The following DENND1A variants were observed in gnomAD, a reference collection of about 807,000 sequenced individuals.
DENND1A encodes DENN domain-containing protein 1A.
A neutral mutation model predicts 113.7 loss-of-function variants in DENND1A; 51 were observed. That is an observed-to-expected ratio of 0.45 (90% confidence interval 0.36 to 0.57). The LOEUF (loss-of-function observed/expected upper bound fraction) is 0.57, where lower values mean the gene tolerates loss of function less well. Among genes scored for constraint, DENND1A ranks in the 20% least tolerant of loss-of-function variants. DENND1A has a pLI of 0.00. For missense variants in DENND1A, 1,258 were observed against 1,395.9 expected, an observed-to-expected ratio of 0.90 and a Z score of 1.57; for synonymous variants, 565 against 570.8, an observed-to-expected ratio of 0.99 and a Z score of 0.14.
chr9:123,845,701 A>C (rs946101785), intron 2 of DENND1A, among the ~76,000 whole-genome samples: 15 of 150,552 alleles, frequency 1.0e-4, no homozygotes, highest in Non-Finnish European at 5.9e-5. Flanking sequence ...AAAAAGAGGA[A>C]TAAAAAAGGA....
intron 13 of DENND1A, among the ~76,000 whole-genome samples, chr9:123,519,585 A>G (rs1034322392): frequency 1.3e-5 from 2 of 152,060 alleles, no homozygotes; most frequent in African/African-American, 4.8e-5. Context: ...TTACAGGCTA[A>G]TTTTTATATT....
In DENND1A at chr9:123,630,483, C is replaced by G; in HGVS notation, c.619-7G>C. The G allele has an allele frequency of 6.5e-7, 1 of 1,545,574 alleles. No homozygotes were observed. Among genetic ancestry groups the G allele is most frequent in the Non-Finnish European group, 8.8e-7 (1 of 1,142,022 alleles). ...CGTGGATGCAGGCAGTCAGCTGGAA[C>G]AGAGCAAAGCAGAGATCAATGAACA... On this transcript the variant is annotated splice_polypyrimidine_tract_variant and splice_region_variant and intron_variant, in intron 9 of 23. Coordinates refer to ENST00000394215, the MANE Select transcript of DENND1A (RefSeq NM_001352964.2).
chr9:123,455,278 G>A (rs538268040), intron 15 of DENND1A, among the ~76,000 whole-genome samples: 1 of 152,314 alleles, frequency 6.6e-6, no homozygotes, highest in East Asian at 1.9e-4. Flanking sequence ...CCACCTCACT[G>A]CCTGCTGGCT....
chr9:123,577,027 T>C (rs947578549), intron 12 of DENND1A, among the ~76,000 whole-genome samples: 3 of 151,940 alleles, frequency 2.0e-5, no homozygotes, highest in Non-Finnish European at 2.9e-5. Context: ...TTCATCAAAA[T>C]TGAAAAAAAA....
intron 9 of DENND1A, among the ~76,000 whole-genome samples, chr9:123,645,163 T>C (rs1482586288): frequency 1.3e-5 from 2 of 152,146 alleles, no homozygotes; most frequent in African/African-American, 4.8e-5. Context: ...AACCCCGAAA[T>C]GCATATTACC....
chr9:123,620,038 C>G (rs1219025056), intron 10 of DENND1A, among the ~76,000 whole-genome samples: 1 of 151,498 alleles, frequency 6.6e-6, no homozygotes, highest in African/African-American at 2.4e-5. Context: ...CATAGTGAAA[C>G]CCCTTCTCTA....
chr9:123,894,035 T>C (rs1485294941), intron 1 of DENND1A, among the ~76,000 whole-genome samples: 1 of 152,234 alleles, frequency 6.6e-6, no homozygotes, highest in African/African-American at 2.4e-5. Context: ...AGCCCTGTTA[T>C]AAGGCTTCCC....
chr9:123,384,531 T>C (rs1013286319), intron 22 of DENND1A, among the ~76,000 whole-genome samples: 1 of 152,194 alleles, frequency 6.6e-6, no homozygotes, highest in African/African-American at 2.4e-5. Flanking sequence ...CATGAGCAAA[T>C]GCGGTGCCCG....
chr9:123,728,923 C>G (rs1041654938), intron 5 of DENND1A, among the ~76,000 whole-genome samples: 1 of 152,190 alleles, frequency 6.6e-6, no homozygotes, highest in Non-Finnish European at 1.5e-5. Context: ...CCACCACGAT[C>G]AAGTCAGCTT....
chr9:123,408,832 G>T (rs2044088721), intron 20 of DENND1A, among the ~76,000 whole-genome samples: 1 of 152,250 alleles, frequency 6.6e-6, no homozygotes, highest in African/African-American at 2.4e-5. Context: ...ACAACACAGA[G>T]TCCACTGTAG....
intron 2 of DENND1A, among the ~76,000 whole-genome samples, chr9:123,818,563 C>CAGAT (rs1294531008): frequency 1.8e-5 from 1 of 56,944 alleles, no homozygotes; most frequent in Admixed American, 2.5e-4. Flanking sequence ...CACACACACA[C>CAGAT]ACACATATAT....
chr9:123,499,459 T>C (rs899824077), intron 13 of DENND1A, among the ~76,000 whole-genome samples: 4 of 152,234 alleles, frequency 2.6e-5, no homozygotes, highest in Non-Finnish European at 5.9e-5. Context: ...CACGGCAGTA[T>C]TGCTTACTTT....
At chr9:123,873,205 T>C (rs1846924419) in intron 2 of DENND1A, among the ~76,000 whole-genome samples, 1 of 152,246 alleles carries the variant, frequency 6.6e-6, no homozygotes, top group Admixed American at 6.5e-5. Context: ...AGTGACAGTT[T>C]ATTCACTGGT....
intron 13 of DENND1A, among the ~76,000 whole-genome samples, chr9:123,476,354 T>C (rs2049913358): frequency 6.6e-6 from 1 of 152,202 alleles, no homozygotes; most frequent in South Asian, 2.1e-4. Flanking sequence ...CTGGGCTGAC[T>C]GATCTTGGGC....
intron 13 of DENND1A, among the ~76,000 whole-genome samples, chr9:123,491,225 C>T (rs563627174): frequency 6.6e-6 from 1 of 152,286 alleles, no homozygotes; most frequent in Admixed American, 6.5e-5. Flanking sequence ...CCAGAAGGAA[C>T]GGTGTAGGCC....
At chr9:123,855,401 A>G (rs1844009749) in intron 2 of DENND1A, among the ~76,000 whole-genome samples, 1 of 151,994 alleles carries the variant, frequency 6.6e-6, no homozygotes, top group African/African-American at 2.4e-5. Context: ...ACCTTGTCTA[A>G]GTTATAAAGG....
At chr9:123,777,664 T>C (rs1456540423) in intron 3 of DENND1A, among the ~76,000 whole-genome samples, 1 of 152,240 alleles carries the variant, frequency 6.6e-6, no homozygotes, top group Non-Finnish European at 1.5e-5. Flanking sequence ...GACAGGATCA[T>C]AGTTTGGTAA....
At chr9:123,506,425 T>C (rs1009763772) in intron 13 of DENND1A, among the ~76,000 whole-genome samples, 5 of 151,492 alleles carry the variant, frequency 3.3e-5, no homozygotes, top group Admixed American at 2.6e-4. Flanking sequence ...CTACTAAAAA[T>C]ACAAACATTA....
At chr9:123,457,705 T>C (rs2048233936) in intron 14 of DENND1A, 88 bp downstream of exon 14, 1 of 1,288,312 alleles carries the variant, frequency 7.8e-7, no homozygotes, top group African/African-American at 1.5e-5. Context: ...GTCCCATCCA[T>C]GCCTGCGGCC....
Sources: gnomAD v4.1 joint callset for allele counts (sites outside exome capture counted in the v4.1 genomes callset) on GRCh38, gnomAD v4.1.1 for gene constraint, MANE v1.5 for transcripts, NCBI Gene and HGNC (gene_info 2026-07-23, HGNC 2026-07-21) for gene names.